OPCML: variants seen among roughly 807,000 people sequenced by gnomAD.
OPCML encodes opioid-binding protein/cell adhesion molecule.
A neutral mutation model predicts 37.8 loss-of-function variants in OPCML; 13 were observed. That is an observed-to-expected ratio of 0.34 (90% CI 0.22 to 0.55). OPCML has a LOEUF of 0.55. OPCML is among the 20% of genes least tolerant of loss of function. The pLI is 0.91. For synonymous variants in OPCML, 176 were observed against 168.8 expected (o/e 1.04, Z -0.33); for missense variants, 341 against 435.6 (o/e 0.78, Z 1.93).
chr11:132,855,656 G>A (rs1942026652), intron 2 of OPCML, among the ~76,000 whole-genome samples: 1 of 152,164 alleles, frequency 6.6e-6, no homozygotes, highest in African/African-American at 2.4e-5. Context: ...GCCCTGGTCA[G>A]GCAGCCTTCA....
At chr11:133,147,424 A>C (rs534713232) in intron 1 of OPCML, among the ~76,000 whole-genome samples, 1 of 152,254 alleles carries the variant, frequency 6.6e-6, no homozygotes, top group East Asian at 1.9e-4. Context: ...CATCTTGAGC[A>C]GACAGGACAC....
rs370789675 is a variant in OPCML, at chr11:133,125,985, C to A, written c.62-182975G>T. 2.0e-4 allele frequency among the ~76,000 whole-genome samples: 29 copies of A among 147,976 alleles called. No individual in the cohort carries two copies. In the East Asian group the frequency reaches 4.6e-3, roughly 24 times the overall value. ...GTATATATATACATGTATATATAGA[C>A]ACACGTATATATACATGTATAGACA... On this transcript the variant is annotated intron_variant, in intron 1 of 7. Coordinates refer to ENST00000524381, the MANE Select transcript of OPCML (RefSeq NM_001012393.5).
chr11:133,154,827 C>T (rs998510666), intron 1 of OPCML, among the ~76,000 whole-genome samples: 1 of 152,172 alleles, frequency 6.6e-6, no homozygotes, highest in East Asian at 1.9e-4. Flanking sequence ...AAATGCTGAG[C>T]TTTGCAAAGA....
chr11:133,146,029 G>A (rs1949892218), intron 1 of OPCML, among the ~76,000 whole-genome samples: 1 of 152,178 alleles, frequency 6.6e-6, no homozygotes, highest in African/African-American at 2.4e-5. Flanking sequence ...ATTTTTAAAT[G>A]CTAGCATAGA....
chr11:133,040,118 T>C (rs1947862820), intron 1 of OPCML, among the ~76,000 whole-genome samples: 1 of 151,978 alleles, frequency 6.6e-6, no homozygotes, highest in Non-Finnish European at 1.5e-5. Flanking sequence ...CCAGAATTAA[T>C]GACATCCTCA....
intron 2 of OPCML, among the ~76,000 whole-genome samples, chr11:132,665,620 G>T (rs756131057): frequency 3.9e-5 from 6 of 152,106 alleles, no homozygotes; most frequent in Non-Finnish European, 8.8e-5. Context: ...TAAAGCGTAG[G>T]GTAGCGAAAC....
chr11:132,644,677 G>A lies in OPCML; in HGVS notation c.379+12410C>T, dbSNP rs116752278. Among the ~76,000 whole-genome samples the A allele has an allele frequency of 2.1e-3, 314 of 152,186 alleles. 3 individuals carry two copies. Among genetic ancestry groups the A allele is most frequent in the African/African-American group, 7.0e-3 (290 of 41,514 alleles). ...GGCCTGAAAACATCAATCCTGTCAC[G>A]ACAAACTAGCCCCTGGGAAAAGGAA... On this transcript the variant is annotated intron_variant, in intron 3 of 7. Transcript: ENST00000524381.
rs1322285100 is a variant in OPCML, at chr11:133,208,724, C to T, written c.62-265714G>A. On this transcript the variant is annotated intron_variant, in intron 1 of 7. Transcript: ENST00000524381. The surrounding 1 kb of genome is among the most constrained non-coding windows in gnomAD (Gnocchi z 8.9). ...CACTAGCCATCCAAGTGAATAAAGGCTGCTGTAAGACTGAAGCACACGTTA... is the reference window on the plus strand; with the variant it reads ...CACTAGCCATCCAAGTGAATAAAGGTTGCTGTAAGACTGAAGCACACGTTA... Among the ~76,000 whole-genome samples, 1 of 152,178 alleles carries T rather than the reference C, an allele frequency of 6.6e-6. No homozygotes were observed. The highest frequency in any genetic ancestry group is 1.5e-5 in the Non-Finnish European group (1 of 68,032).
intron 3 of OPCML, among the ~76,000 whole-genome samples, chr11:132,560,716 A>G (rs2096408756): frequency 6.6e-6 from 1 of 152,106 alleles, no homozygotes; most frequent in South Asian, 2.1e-4. Flanking sequence ...CTTGGTGGCC[A>G]TTTGTATATC....
At chr11:132,945,182 G>T (rs1241398168) in intron 1 of OPCML, among the ~76,000 whole-genome samples, 1 of 152,184 alleles carries the variant, frequency 6.6e-6, no homozygotes, top group East Asian at 1.9e-4. Flanking sequence ...TGCTGCTTAT[G>T]GAGGGGGATA....
intron 1 of OPCML, among the ~76,000 whole-genome samples, chr11:133,440,777 T>C (rs553731490): frequency 8.6e-6 from 1 of 116,776 alleles, no homozygotes; most frequent in African/African-American, 6.4e-5. Flanking sequence ...TATATATATA[T>C]ATATCTGTGT....
chr11:132,872,880 AT>A (rs1942864271), intron 2 of OPCML, among the ~76,000 whole-genome samples: 1 of 151,578 alleles, frequency 6.6e-6, no homozygotes, highest in African/African-American at 2.4e-5. Context: ...ATTAGTTACA[AT>A]GTAAAATGAA....
chr11:133,255,439 A>C (rs974124685), intron 1 of OPCML, among the ~76,000 whole-genome samples: 3 of 152,184 alleles, frequency 2.0e-5, no homozygotes, highest in Non-Finnish European at 4.4e-5. Context: ...TTGGAAAAAA[A>C]AATCCAGCAG....
intron 1 of OPCML, among the ~76,000 whole-genome samples, chr11:133,327,526 G>T (rs1204620481): frequency 6.6e-6 from 1 of 152,016 alleles, no homozygotes; most frequent in Non-Finnish European, 1.5e-5. Flanking sequence ...TGAAACAGCA[G>T]ATCTCAAGCT....
chr11:132,503,736 T>G, intron 4 of OPCML, among the ~76,000 whole-genome samples: 1 of 152,268 alleles, frequency 6.6e-6, no homozygotes, highest in South Asian at 2.1e-4. Flanking sequence ...TAGTTATAAT[T>G]ATTAATATTG....
At chr11:133,351,998 C>T (rs1944150314) in intron 1 of OPCML, among the ~76,000 whole-genome samples, 1 of 152,118 alleles carries the variant, frequency 6.6e-6, no homozygotes, top group Non-Finnish European at 1.5e-5. Context: ...TCATTGCTGC[C>T]CCCACAGGTT....
chr11:132,611,532 C>G (rs571326857), intron 3 of OPCML, among the ~76,000 whole-genome samples: 3 of 152,094 alleles, frequency 2.0e-5, no homozygotes, highest in African/African-American at 7.2e-5. Context: ...CCTCAGATAG[C>G]CTTTAAGTTA....
chr11:133,099,792 A>C (rs1221611432), intron 1 of OPCML, among the ~76,000 whole-genome samples: 1 of 152,138 alleles, frequency 6.6e-6, no homozygotes, highest in Admixed American at 6.5e-5. Flanking sequence ...GAATTGTTCA[A>C]GTTCCTTATA....
chr11:132,708,610 G>T (rs911007895), intron 2 of OPCML, among the ~76,000 whole-genome samples: 3 of 152,126 alleles, frequency 2.0e-5, no homozygotes, highest in Non-Finnish European at 1.5e-5. Flanking sequence ...TTACCCTATT[G>T]GTGTCATTAG....
Sources: gnomAD v4.1 joint callset for allele counts (sites outside exome capture counted in the v4.1 genomes callset) on GRCh38, gnomAD v4.1.1 for gene constraint, Gnocchi (gnomAD v3.1) non-coding constraint, MANE v1.5 for transcripts, NCBI Gene and HGNC (gene_info 2026-07-23, HGNC 2026-07-21) for gene names.